The following RANBP2 variants were observed in gnomAD, a reference collection of about 807,000 sequenced individuals.
The protein encoded by RANBP2 is RAN binding protein 2, also known as E3 SUMO-protein ligase RanBP2.
RANBP2 carries 57 observed loss-of-function variants against 303.6 expected under a neutral mutation model. The ratio of observed to expected loss-of-function variants is 0.19; its 90% CI spans 0.15 to 0.23. RANBP2 has a LOEUF of 0.23. RANBP2 is among the 10% of genes least tolerant of loss of function. The pLI, the probability that RANBP2 is intolerant of heterozygous loss-of-function variation, is 1.00. For synonymous variants in RANBP2, 1,167 were observed against 1,301.5 expected, an observed-to-expected ratio of 0.90 and a Z score of 2.23; for missense variants, 3,138 against 3,780.8, an observed-to-expected ratio of 0.83 and a Z score of 4.46.
chr2:109,595,579 G>C, the RANBP2 span, among the ~76,000 whole-genome samples: 1 of 152,128 alleles, frequency 6.6e-6, no homozygotes, highest in Non-Finnish European at 1.5e-5. Context: ...CTGAAGGCAG[G>C]AGTCAAAGAA....
the RANBP2 span, among the ~76,000 whole-genome samples, chr2:108,911,537 T>C: frequency 2.0e-5 from 3 of 152,200 alleles, no homozygotes; most frequent in African/African-American, 4.8e-5. Flanking sequence ...CTAAGTGTCA[T>C]TGTAAGAGCC....
chr2:109,613,662 A>C, the RANBP2 span: 4 of 547,258 alleles, frequency 7.3e-6, no homozygotes, highest in East Asian at 1.7e-4. Flanking sequence ...GAAGCCGGGG[A>C]GCACTGGGCG....
chr2:108,989,442 A>T, the RANBP2 span: 1 of 152,292 alleles, frequency 6.6e-6, no homozygotes, highest in African/African-American at 2.4e-5. Flanking sequence ...CCTTGCTTCT[A>T]TCAGAGCCTT....
At chr2:109,251,426 G>A in the RANBP2 span, 5 of 708,432 alleles carry the variant, frequency 7.1e-6, no homozygotes, top group South Asian at 1.4e-5. Context: ...GACACCATGA[G>A]CAAAGCTCAC....
Position 108,764,482 on chromosome 2 carries a change from G to A in RANBP2, c.3943G>A (p.Ala1315Thr). Residue 1315 changes from alanine (A) to threonine (T), a missense_variant, in exon 20 of 29, where the codon GCG (alanine) becomes ACG (threonine). Ala to Thr is a moderately conservative substitution (Grantham distance 58, BLOSUM62 0). Around this residue, in one of 20 missense-constraint regions of RANBP2, gnomAD observed 388 missense variants for 328.5 expected, o/e 1.18. Transcript: ENST00000283195. ...AGCCCCAGGAACAAATGTAGCCATG[G>A]CGTCAAATCAGGCTGTCAGAATTGT... ...LKAPGTNVAM[A>T]SNQAVRIVKE... The A allele has an allele frequency of 6.2e-7, 1 of 1,613,976 alleles. No homozygotes were observed.
the RANBP2 span, chr2:109,347,556 T>C: frequency 7.3e-7 from 1 of 1,375,828 alleles, no homozygotes; most frequent in Non-Finnish European, 9.8e-7. Context: ...CGGGGCACTC[T>C]GTATGCACCC....
At chr2:108,822,728 A>G in the RANBP2 span, among the ~76,000 whole-genome samples, 1 of 152,374 alleles carries the variant, frequency 6.6e-6, no homozygotes, top group East Asian at 1.9e-4. Flanking sequence ...CCCAAGGAAA[A>G]TTGGCAAATA....
At chr2:109,199,266 G>A in the RANBP2 span, among the ~76,000 whole-genome samples, 1 of 33,332 alleles carries the variant, frequency 3.0e-5, no homozygotes, top group African/African-American at 1.2e-4. Flanking sequence ...TGCTTGCAGT[G>A]AGCCGAGATC....
At chr2:108,794,810 T>C in the RANBP2 span, 1 of 994,764 alleles carries the variant, frequency 1.0e-6, no homozygotes, top group South Asian at 1.6e-5. Context: ...TATATTTCAT[T>C]TTAATTACTT....
the RANBP2 span, among the ~76,000 whole-genome samples, chr2:109,602,332 A>G: frequency 5.3e-5 from 8 of 152,330 alleles, no homozygotes; most frequent in African/African-American, 1.9e-4. Flanking sequence ...ATAAAATTGC[A>G]TCTTATTGAT....
chr2:109,190,174 C>G, the RANBP2 span, among the ~76,000 whole-genome samples: 1 of 152,092 alleles, frequency 6.6e-6, no homozygotes, highest in African/African-American at 2.4e-5. Flanking sequence ...ACCTTGACAT[C>G]CTATTTTTTT....
At chr2:109,551,528 G>A in the RANBP2 span, among the ~76,000 whole-genome samples, 1 of 152,142 alleles carries the variant, frequency 6.6e-6, no homozygotes, top group Non-Finnish European at 1.5e-5. Context: ...CCAATCTTGG[G>A]GCAACTGGGG....
chr2:108,944,938 G>A, the RANBP2 span, among the ~76,000 whole-genome samples: 24 of 152,288 alleles, frequency 1.6e-4, no homozygotes, highest in Middle Eastern at 3.4e-3. Context: ...GAAGGCCTAG[G>A]GTGTCCCTGC....
the RANBP2 span, among the ~76,000 whole-genome samples, chr2:109,432,037 A>C: frequency 2.0e-5 from 3 of 152,194 alleles, no homozygotes; most frequent in Admixed American, 2.0e-4. Flanking sequence ...GGTTATATTA[A>C]GTGAGGAAAA....
At chr2:108,738,671 C>T (rs1396009252) in intron 6 of RANBP2, among the ~76,000 whole-genome samples, 6 of 149,588 alleles carry the variant, frequency 4.0e-5, no homozygotes, top group African/African-American at 1.5e-4. Flanking sequence ...TCTTGTTGCC[C>T]AGGCTAGAGT....
the RANBP2 span, among the ~76,000 whole-genome samples, chr2:109,421,976 T>G: frequency 6.6e-6 from 1 of 152,162 alleles, no homozygotes; most frequent in African/African-American, 2.4e-5. Context: ...GAGGAAAAGA[T>G]CAGACTGACC....
the RANBP2 span, among the ~76,000 whole-genome samples, chr2:109,524,469 A>ACC: frequency 1.2e-5 from 1 of 80,844 alleles, no homozygotes; most frequent in Non-Finnish European, 2.5e-5. Context: ...AAAAAAAACA[A>ACC]AACAACACTG....
At chr2:109,565,864 A>C in the RANBP2 span, 1 of 1,612,946 alleles carries the variant, frequency 6.2e-7, no homozygotes, top group Non-Finnish European at 8.5e-7. Context: ...CTGTCCCTGA[A>C]AAAGAATATC....
the RANBP2 span, among the ~76,000 whole-genome samples, chr2:108,975,420 G>A: frequency 6.6e-5 from 10 of 152,304 alleles, no homozygotes; most frequent in South Asian, 8.3e-4. Context: ...AGCATGGGCC[G>A]GCGAGACATG....
Sources: allele counts gnomAD v4.1 joint callset (sites outside exome capture counted in the v4.1 genomes callset), GRCh38; gene constraint gnomAD v4.1.1; regional missense constraint gnomAD v4.1.1; transcripts MANE v1.5; gene names NCBI Gene and HGNC (gene_info 2026-07-23, HGNC 2026-07-21).